The following GABRG3 variants were observed in gnomAD, a reference collection of about 807,000 sequenced individuals.
GABRG3 encodes gamma-aminobutyric acid receptor subunit gamma-3.
In GABRG3, 25 loss-of-function variants were observed where a neutral mutation model predicts 48.8. The ratio of observed to expected loss-of-function variants is 0.51; its 90% confidence interval spans 0.37 to 0.72. The LOEUF (loss-of-function observed/expected upper bound fraction) is 0.72, where lower values mean the gene tolerates loss of function less well. Among genes scored for constraint, GABRG3 ranks in the 30% least tolerant of loss-of-function variants. GABRG3 has a pLI of 0.00. For synonymous variants in GABRG3, 227 were observed against 217.6 expected (o/e 1.04, Z -0.38); for missense variants, 394 against 577.9 (o/e 0.68, Z 3.26).
chr15:27,024,897 G>T (rs184960645), intron 2 of GABRG3, among the ~76,000 whole-genome samples: 20 of 152,004 alleles, frequency 1.3e-4, no homozygotes, highest in Admixed American at 4.6e-4. Flanking sequence ...GTGGTGGCAG[G>T]CGCCTGTAAT....
At chr15:27,516,540 G>C (rs1319130547) in intron 6 of GABRG3, among the ~76,000 whole-genome samples, 3 of 152,178 alleles carry the variant, frequency 2.0e-5, no homozygotes, top group Non-Finnish European at 4.4e-5. Context: ...AAGTTGATTT[G>C]TCCAAGATGG....
intron 3 of GABRG3, among the ~76,000 whole-genome samples, chr15:27,045,593 T>C (rs1290136313): frequency 6.6e-6 from 1 of 152,202 alleles, no homozygotes; most frequent in East Asian, 1.9e-4. Flanking sequence ...CTGCAATTGC[T>C]GGGCATCAAG....
chr15:27,454,691 G>T (rs1322325479), intron 5 of GABRG3, among the ~76,000 whole-genome samples: 4 of 152,280 alleles, frequency 2.6e-5, no homozygotes, highest in Non-Finnish European at 4.4e-5. Flanking sequence ...CAGAAACAAA[G>T]CAGCTACTGT....
chr15:27,131,787 C>T (rs534366127), intron 3 of GABRG3, among the ~76,000 whole-genome samples: 1 of 152,188 alleles, frequency 6.6e-6, no homozygotes, highest in South Asian at 2.1e-4. Flanking sequence ...CCTTTCTCCA[C>T]ATCCTCACCA....
intron 6 of GABRG3, among the ~76,000 whole-genome samples, chr15:27,502,372 C>T (rs1268771773): frequency 6.6e-6 from 1 of 152,112 alleles, no homozygotes; most frequent in Admixed American, 6.6e-5. Context: ...TATTCATTTG[C>T]CCCAGTGGTA....
intron 3 of GABRG3, among the ~76,000 whole-genome samples, chr15:27,074,777 C>A (rs1896883920): frequency 6.6e-6 from 1 of 151,938 alleles, no homozygotes; most frequent in Non-Finnish European, 1.5e-5. Context: ...TAGTGTAACA[C>A]ATCAGGAGTG....
In GABRG3 at chr15:27,179,939, A is replaced by G. The variant is rs1180504816; in HGVS notation, c.271-146870A>G. Among the ~76,000 whole-genome samples, 1 of 152,164 alleles carries G rather than the reference A, an allele frequency of 6.6e-6. No individual in the cohort carries two copies. The highest frequency in any genetic ancestry group is 1.5e-5 in the Non-Finnish European group (1 of 68,026). ...CTTGATTCACAGTTCATCGCCTCCT[A>G]GATGAGGCTGGGCGTGGCTCTGAAG... On this transcript the variant is annotated intron_variant, in intron 3 of 9. Transcript: ENST00000615808. This position sits in a 1 kb window ranked among gnomAD's most constrained non-coding sequence, Gnocchi z 4.0.
intron 3 of GABRG3, among the ~76,000 whole-genome samples, chr15:27,159,958 T>C (rs1043546890): frequency 2.0e-5 from 3 of 152,194 alleles, no homozygotes; most frequent in Non-Finnish European, 4.4e-5. Flanking sequence ...TGGAAGGCTT[T>C]AGCCAACCTC....
chr15:27,034,245 A>G (rs1896137625), intron 3 of GABRG3, among the ~76,000 whole-genome samples: 1 of 152,168 alleles, frequency 6.6e-6, no homozygotes, highest in Non-Finnish European at 1.5e-5. Context: ...CTTTCTGCAG[A>G]GTTAGAGAAT....
chr15:27,308,017 T>C (rs1417222119), intron 3 of GABRG3, among the ~76,000 whole-genome samples: 1 of 138,602 alleles, frequency 7.2e-6, no homozygotes, highest in Non-Finnish European at 1.5e-5. Flanking sequence ...AACGTATATA[T>C]AAAATAAACA....
At chr15:27,415,088 G>A (rs897668039) in intron 5 of GABRG3, among the ~76,000 whole-genome samples, 1 of 152,126 alleles carries the variant, frequency 6.6e-6, no homozygotes, top group Admixed American at 6.5e-5. Context: ...ATCAAAATCA[G>A]TATTAAAAAG....
intron 3 of GABRG3, among the ~76,000 whole-genome samples, chr15:27,260,658 A>G (rs1454478499): frequency 1.3e-5 from 2 of 152,200 alleles, no homozygotes; most frequent in Admixed American, 6.5e-5. Context: ...GAACCCATCC[A>G]CCACATATAC....
intron 3 of GABRG3, among the ~76,000 whole-genome samples, chr15:27,305,702 A>G (rs1892393780): frequency 3.2e-5 from 2 of 61,726 alleles, no homozygotes; most frequent in South Asian, 6.1e-4. Flanking sequence ...TATATAATAT[A>G]AACCTATATG....
chr15:27,222,345 A>T (rs968014826), intron 3 of GABRG3, among the ~76,000 whole-genome samples: 5 of 152,218 alleles, frequency 3.3e-5, no homozygotes, highest in Non-Finnish European at 7.3e-5. Context: ...CAGAGATCCA[A>T]AGTGCTTAGA....
At chr15:27,378,432 A>C (rs1895666965) in intron 5 of GABRG3, among the ~76,000 whole-genome samples, 1 of 152,192 alleles carries the variant, frequency 6.6e-6, no homozygotes, top group Admixed American at 6.5e-5. Context: ...GATATCTATT[A>C]GAGTGGGCAA....
intron 3 of GABRG3, among the ~76,000 whole-genome samples, chr15:27,081,202 C>G (rs1182591015): frequency 6.6e-6 from 1 of 152,024 alleles, no homozygotes; most frequent in Non-Finnish European, 1.5e-5. Context: ...GATGCTGCCC[C>G]CCACAAACAG....
intron 3 of GABRG3, among the ~76,000 whole-genome samples, chr15:27,127,548 A>G (rs1897842759): frequency 6.6e-6 from 1 of 152,066 alleles, no homozygotes; most frequent in South Asian, 2.1e-4. Flanking sequence ...GGCAGAAAGC[A>G]CAGCTTCTTC....
At chr15:27,462,209 C>G (rs1292945973) in intron 5 of GABRG3, among the ~76,000 whole-genome samples, 1 of 152,138 alleles carries the variant, frequency 6.6e-6, no homozygotes, top group Non-Finnish European at 1.5e-5. Flanking sequence ...TCCCACCACT[C>G]TCATCCCCTG....
intron 3 of GABRG3, among the ~76,000 whole-genome samples, chr15:27,135,732 C>T (rs1322438591): frequency 6.6e-6 from 1 of 152,034 alleles, no homozygotes; most frequent in African/African-American, 2.4e-5. Flanking sequence ...TGGTGAAACC[C>T]CATCTCTACT....
Sources: gnomAD v4.1 joint callset for allele counts (sites outside exome capture counted in the v4.1 genomes callset) on GRCh38, gnomAD v4.1.1 for gene constraint, Gnocchi (gnomAD v3.1) non-coding constraint, MANE v1.5 for transcripts, NCBI Gene and HGNC (gene_info 2026-07-23, HGNC 2026-07-21) for gene names.